Variants in SNAPC3 observed in about 807,000 individuals in gnomAD.
SNAPC3 encodes snRNA-activating protein complex subunit 3.
SNAPC3 carries 56 observed loss-of-function variants against 47.7 expected under a neutral mutation model. That is an observed-to-expected ratio of 1.18 (90% CI 0.95 to 1.47). The LOEUF is 1.47. Ranked by LOEUF, SNAPC3 falls within the 40% of genes most tolerant of loss-of-function variation. The pLI is 0.00. For missense variants in SNAPC3, 665 were observed against 511.3 expected (o/e 1.30, Z -2.90); for synonymous variants, 235 against 189.9 (o/e 1.24, Z -1.95).
At chr9:15,442,572 G>A (rs1213204753) in intron 3 of SNAPC3, among the ~76,000 whole-genome samples, 3 of 151,860 alleles carry the variant, frequency 2.0e-5, no homozygotes, top group South Asian at 4.2e-4. Flanking sequence ...CATCCCAGAC[G>A]GGGCGGCGGG....
chr9:15,442,532 C>A (rs1315413205), intron 3 of SNAPC3, among the ~76,000 whole-genome samples: 53 of 147,338 alleles, frequency 3.6e-4, no homozygotes, highest in African/African-American at 1.2e-3. Context: ...CCTCCCAGAT[C>A]GGGTGGCGGC....
intron 7 of SNAPC3, among the ~76,000 whole-genome samples, chr9:15,456,299 T>TG (rs2034787939): frequency 6.6e-6 from 1 of 151,366 alleles, no homozygotes; most frequent in African/African-American, 2.4e-5. Context: ...CAAGAGCCAC[T>TG]GCGCCTGGCC....
Position 15,460,856 on chromosome 9 carries a change from TTTC to T in SNAPC3, c.*993_*995del, listed in dbSNP as rs1397564521. ...GAAATAACATTAACTTGAAGCTTTA[TTTC>T]TTGACAAAAGCTTTATGAATGTTAT... On this transcript the variant is annotated 3_prime_UTR_variant, in exon 9 of 9. Transcript: ENST00000380821. 2.0e-5 allele frequency: 3 copies of T among 152,234 alleles called. No individual in the cohort carries two copies. The highest frequency in any genetic ancestry group is 2.9e-5 in the Non-Finnish European group (2 of 68,034). 9.4% of individuals were successfully genotyped at this position (152,234 alleles called of 1,614,324 possible).
intron 3 of SNAPC3, among the ~76,000 whole-genome samples, chr9:15,436,176 C>G (rs2032783464): frequency 6.6e-6 from 1 of 152,174 alleles, no homozygotes; most frequent in Admixed American, 6.5e-5. Flanking sequence ...GCTGGATGTA[C>G]AAAAGTTTTT....
At chr9:15,436,211 TTTTTC>T (rs2032788172) in intron 3 of SNAPC3, among the ~76,000 whole-genome samples, 1 of 152,244 alleles carries the variant, frequency 6.6e-6, no homozygotes, top group Non-Finnish European at 1.5e-5. Flanking sequence ...CTAGTTTATC[TTTTTC>T]TTTTGTTGTC....
At chr9:15,454,244 G>A (rs1468264045) in intron 7 of SNAPC3, among the ~76,000 whole-genome samples, 17 of 148,176 alleles carry the variant, frequency 1.1e-4, no homozygotes, top group Non-Finnish European at 1.8e-4. Context: ...AAAAAAAAAA[G>A]AAAAAAAGAA....
chr9:15,442,546 G>A (rs942269779), intron 3 of SNAPC3, among the ~76,000 whole-genome samples: 1 of 151,982 alleles, frequency 6.6e-6, no homozygotes, highest in Non-Finnish European at 1.5e-5. Flanking sequence ...TGGCGGCCGG[G>A]CAGAGGCGCT....
At chr9:15,462,910 C>T (rs1188832612), downstream of SNAPC3, 1 of 152,044 alleles carries the variant, frequency 6.6e-6, no homozygotes, top group African/African-American at 2.4e-5. Flanking sequence ...TTAGCAAAGC[C>T]CTCACAGCAC....
At chr9:15,441,238 T>A (rs920303782) in intron 3 of SNAPC3, among the ~76,000 whole-genome samples, 1 of 151,708 alleles carries the variant, frequency 6.6e-6, no homozygotes. Context: ...ATTTTCTTCA[T>A]TTTATTTCAT....
At chr9:15,454,299 TACTG>T (rs1019791873) in intron 7 of SNAPC3, among the ~76,000 whole-genome samples, 1 of 152,078 alleles carries the variant, frequency 6.6e-6, no homozygotes, top group African/African-American at 2.4e-5. Context: ...TTTTTGGTCT[TACTG>T]ACTCTTCTCC....
At chr9:15,426,036 T>C (rs751887223) in intron 2 of SNAPC3, among the ~76,000 whole-genome samples, 7 of 152,200 alleles carry the variant, frequency 4.6e-5, no homozygotes, top group Non-Finnish European at 8.8e-5. Flanking sequence ...TTTGTATTTT[T>C]AGTAGGGACG....
chr9:15,452,743 A>G (rs578060889), intron 6 of SNAPC3, among the ~76,000 whole-genome samples: 57 of 152,370 alleles, frequency 3.7e-4, no homozygotes, highest in African/African-American at 1.4e-3. Context: ...TAATCTCATT[A>G]CATACTAACA....
chr9:15,459,758 A>ATGCTTCTTTTGTGATGTT lies in SNAPC3; in HGVS notation c.1135_1152dup (p.Phe379_Phe384dup). The ATGCTTCTTTTGTGATGTT allele has an allele frequency of 6.2e-7, 1 of 1,613,830 alleles. No homozygotes were observed. The highest frequency in any genetic ancestry group is 1.1e-5 in the South Asian group (1 of 90,996). ...ATGACAGTTTTGCACCAGAGGACCC[A>ATGCTTCTTTTGTGATGTT]TGCTTCTTTTGTGATGTTTGCTTCC... is the stretch of plus-strand genomic sequence containing the variant. On this transcript the variant is annotated inframe_insertion, in exon 9 of 9. Transcript: ENST00000380821.
In SNAPC3 at chr9:15,423,960, G is replaced by A. The variant is rs1354383823; in HGVS notation, c.366G>A (p.Pro122=). ...ACGGTGAGGATCCAGAAGTCATTCCGGAGAATACTGACCTGGTGACTTTGG... is the reference window on the plus strand; with the variant it reads ...ACGGTGAGGATCCAGAAGTCATTCCAGAGAATACTGACCTGGTGACTTTGG... ...LEDGEDPEVI[P]ENTDLVTLGV... Residue 122 remains proline (P), a synonymous_variant, in exon 2 of 9, where the codon CCG becomes CCA. Transcript: ENST00000380821. 5 of 1,586,004 alleles carry A rather than the reference G, an allele frequency of 3.2e-6. No individual in the cohort carries two copies. Among genetic ancestry groups the A allele is most frequent in the African/African-American group, 1.4e-5 (1 of 73,508 alleles).
intron 3 of SNAPC3, among the ~76,000 whole-genome samples, chr9:15,434,502 G>C (rs2032553467): frequency 6.6e-6 from 1 of 151,370 alleles, no homozygotes. Context: ...CCGCCTCCTG[G>C]GTTCAAGCGA....
At chr9:15,456,414 C>A (rs1432647499) in intron 7 of SNAPC3, among the ~76,000 whole-genome samples, 6 of 152,020 alleles carry the variant, frequency 3.9e-5, no homozygotes, top group African/African-American at 1.2e-4. Flanking sequence ...CTTCTTGATA[C>A]AGTGATCAAC....
At position 15,461,014 on chromosome 9, in the gene SNAPC3, T is replaced by A. The variant is rs2035170412; in HGVS notation, c.*1148T>A. Reference sequence around the variant, plus strand: ...TGGCTCACTTATTCTCCGGTAATGATACTATTGGATATATACCAAAATTAT... The same window carrying A: ...TGGCTCACTTATTCTCCGGTAATGAAACTATTGGATATATACCAAAATTAT... On this transcript the variant is annotated 3_prime_UTR_variant, in exon 9 of 9. Transcript: ENST00000380821. 1 of 152,062 alleles carries A rather than the reference T, an allele frequency of 6.6e-6. No homozygotes were observed. The highest frequency in any genetic ancestry group is 2.4e-5 in the African/African-American group (1 of 41,414). The allele number at this position is 152,062 out of a possible 1,614,324, so 9.4% of individuals were successfully genotyped here.
intron 3 of SNAPC3, among the ~76,000 whole-genome samples, chr9:15,442,104 C>G (rs1427036768): frequency 6.7e-6 from 1 of 148,782 alleles, no homozygotes. Flanking sequence ...GCTGGCCAGG[C>G]GGGGGCTGCC....
chr9:15,432,457 C>T (rs558847389), intron 2 of SNAPC3, among the ~76,000 whole-genome samples: 1 of 151,808 alleles, frequency 6.6e-6, no homozygotes, highest in Non-Finnish European at 1.5e-5. Context: ...TGGTTGATTC[C>T]GGGGACGAGA....
Sources: allele counts gnomAD v4.1 joint callset (sites outside exome capture counted in the v4.1 genomes callset), GRCh38; gene constraint gnomAD v4.1.1; transcripts MANE v1.5; gene names NCBI Gene and HGNC (gene_info 2026-07-23, HGNC 2026-07-21).